Variants in CACNA1B observed in about 807,000 individuals in gnomAD.
CACNA1B encodes the protein voltage-dependent N-type calcium channel subunit alpha-1B.
A neutral mutation model predicts 247.2 loss-of-function variants in CACNA1B; 70 were observed. The observed-to-expected ratio is 0.28, with a 90% CI of 0.23 to 0.35. The LOEUF (loss-of-function observed/expected upper bound fraction) is 0.35. CACNA1B is among the 10% of genes least tolerant of loss of function. The pLI is 1.00. For missense variants in CACNA1B, 2,367 were observed against 3,197.4 expected (o/e 0.74, Z 6.26); for synonymous variants, 1,231 against 1,294.4 (o/e 0.95, Z 1.05).
chr9:138,060,016 G>A (rs532690298), intron 31 of CACNA1B, among the ~76,000 whole-genome samples: 55 of 152,162 alleles, frequency 3.6e-4, no homozygotes, highest in Non-Finnish European at 7.4e-4. Context: ...AAGAAGATGT[G>A]AATCTTAAAT....
chr9:138,000,866 C>A (rs1014862400), intron 15 of CACNA1B, among the ~76,000 whole-genome samples: 4 of 152,172 alleles, frequency 2.6e-5, no homozygotes, highest in African/African-American at 7.2e-5. Flanking sequence ...TTAAAAAAAT[C>A]TCTTTTTCCT....
intron 39 of CACNA1B, among the ~76,000 whole-genome samples, chr9:138,106,538 G>A (rs1369136071): frequency 6.6e-6 from 1 of 152,210 alleles, no homozygotes; most frequent in African/African-American, 2.4e-5. Flanking sequence ...GGGAGGCCGA[G>A]GTGGGCGGAT....
intron 3 of CACNA1B, among the ~76,000 whole-genome samples, chr9:137,884,909 C>T (rs1956983790): frequency 1.4e-5 from 2 of 138,044 alleles, no homozygotes; most frequent in South Asian, 5.2e-4. Flanking sequence ...TTCCCGCCTC[C>T]CTCTTCTGTT....
In CACNA1B at chr9:137,971,616, A is replaced by C. The variant is rs946950835; in HGVS notation, c.1543+24A>C. 6.3e-7 allele frequency: 1 copy of C among 1,592,782 alleles called. No individual in the cohort carries two copies. The highest frequency in any genetic ancestry group is 8.6e-7 in the Non-Finnish European group (1 of 1,164,472). ...GTGTACGTATCCCCGTCCCTCCCTCAGGTGCTTCCTGAGCATCTCTGCTCT... is the reference window on the plus strand; with the variant it reads ...GTGTACGTATCCCCGTCCCTCCCTCCGGTGCTTCCTGAGCATCTCTGCTCT... On this transcript the variant is annotated intron_variant, in intron 11 of 46. Transcript: ENST00000371372. The surrounding 1 kb of genome is among the most constrained non-coding windows in gnomAD (Gnocchi z 4.4).
At chr9:137,910,167 C>T (rs981823191) in intron 3 of CACNA1B, among the ~76,000 whole-genome samples, 3 of 152,154 alleles carry the variant, frequency 2.0e-5, no homozygotes, top group Non-Finnish European at 2.9e-5. Flanking sequence ...TTTTCGTGCA[C>T]CTATCGGCCA....
At chr9:137,885,798 TCCTGCTGC>T (rs1451057363) in intron 3 of CACNA1B, among the ~76,000 whole-genome samples, 1 of 127,680 alleles carries the variant, frequency 7.8e-6, no homozygotes, top group East Asian at 2.3e-4. Context: ...GCTGCCGAGC[TCCTGCTGC>T]CCTGGGGAGC....
At chr9:137,921,451 T>C (rs1031285129) in intron 6 of CACNA1B, among the ~76,000 whole-genome samples, 3 of 147,258 alleles carry the variant, frequency 2.0e-5, no homozygotes, top group Non-Finnish European at 4.5e-5. Flanking sequence ...GGGAGCAGAG[T>C]AAAGTGTTCG....
Position 138,058,857 on chromosome 9 carries a change from C to CCCATG in CACNA1B, c.4473+125_4473+126insCATGC. On this transcript the variant is annotated intron_variant, in intron 29 of 46. Coordinates refer to ENST00000371372, the MANE Select transcript of CACNA1B (RefSeq NM_000718.4). The surrounding 1 kb of genome is among the most constrained non-coding windows in gnomAD (Gnocchi z 4.7). ...AGCCAAAGCAGTAGTGGCCTTGCATCCTGGCCAGCATGGGATGCCTGTGGA... is the reference window on the plus strand; with the variant it reads ...AGCCAAAGCAGTAGTGGCCTTGCATCCCATGCTGGCCAGCATGGGATGCCTGTGGA... The CCCATG allele has an allele frequency of 1.1e-6, 1 of 895,324 alleles. No individual in the cohort carries two copies. The highest frequency in any genetic ancestry group is 1.7e-6 in the Non-Finnish European group (1 of 572,106). 55.5% of individuals were successfully genotyped at this position (895,324 alleles called of 1,614,324 possible). A position where few individuals can be genotyped will look rare whatever the true frequency, so the allele number is the denominator to read the frequency against.
intron 40 of CACNA1B, among the ~76,000 whole-genome samples, chr9:138,114,165 G>A (rs989128055): frequency 1.3e-5 from 2 of 152,156 alleles, no homozygotes. Context: ...CAGTCAGGAG[G>A]GCCAGGTCAG....
intron 31 of CACNA1B, among the ~76,000 whole-genome samples, chr9:138,064,590 G>A (rs538638909): frequency 1.8e-4 from 28 of 152,336 alleles, no homozygotes; most frequent in South Asian, 6.2e-4. Flanking sequence ...CCGATTAGCC[G>A]AAGCAGCATC....
At chr9:138,062,438 A>G (rs546549990) in intron 31 of CACNA1B, among the ~76,000 whole-genome samples, 1 of 152,156 alleles carries the variant, frequency 6.6e-6, no homozygotes, top group Non-Finnish European at 1.5e-5. Flanking sequence ...ATTGGGCCAC[A>G]TGTTGTGTGC....
In CACNA1B at chr9:137,913,123, C is replaced by G. The variant is rs544209484; in HGVS notation, c.531-57C>G. ...ACCCTGGTGGTGGGAGGAGTGTGTC[C>G]TCTTCCAGGCTCAATGTGGAAACCT... On this transcript the variant is annotated intron_variant, in intron 3 of 46. Coordinates refer to ENST00000371372, the MANE Select transcript of CACNA1B (RefSeq NM_000718.4). This position sits in a 1 kb window ranked among gnomAD's most constrained non-coding sequence, Gnocchi z 5.2. 2.9e-6 allele frequency: 4 copies of G among 1,384,054 alleles called. No individual in the cohort carries two copies. Among genetic ancestry groups the G allele is most frequent in the Non-Finnish European group, 4.1e-6 (4 of 975,964 alleles). 85.7% of individuals were successfully genotyped at this position (1,384,054 alleles called of 1,614,324 possible). A position where few individuals can be genotyped will look rare whatever the true frequency, so the allele number is the denominator to read the frequency against.
In CACNA1B at chr9:137,952,357, G is replaced by T. The variant is rs770433478; in HGVS notation, c.1050G>T (p.Leu350=). The T allele has an allele frequency of 2.5e-6, 4 of 1,613,364 alleles. No homozygotes were observed. The highest frequency in any genetic ancestry group is 2.5e-6 in the Non-Finnish European group (3 of 1,179,640). ...IIIGSFFMLN[L]VLGVLSGEFA... is the part of the protein sequence containing the mutation. ...TCGGCTCCTTCTTCATGCTCAACCT[G>T]GTGCTGGGCGTGCTCTCGGGGTGAG... is the stretch of plus-strand genomic sequence containing the variant. Residue 350 remains leucine (L), a synonymous_variant, in exon 7 of 47, where the codon CTG becomes CTT. Transcript: ENST00000371372. This position sits in a 1 kb window ranked among gnomAD's most constrained non-coding sequence, Gnocchi z 4.8.
intron 3 of CACNA1B, among the ~76,000 whole-genome samples, chr9:137,908,443 G>A (rs1407017560): frequency 2.0e-5 from 3 of 151,884 alleles, no homozygotes; most frequent in East Asian, 2.0e-4. Context: ...TTGAACCCAG[G>A]AGGCGGAGGT....
chr9:138,008,567 G>GC (rs907160775), intron 16 of CACNA1B, among the ~76,000 whole-genome samples: 9 of 152,320 alleles, frequency 5.9e-5, no homozygotes, highest in African/African-American at 2.2e-4. Flanking sequence ...CAGGGAGGGG[G>GC]CACCTGTCCA....
rs1957455866 is a variant in CACNA1B, at chr9:137,919,732, C to G, written c.966+2301C>G. Among the ~76,000 whole-genome samples, 1 of 152,230 alleles carries G rather than the reference C, an allele frequency of 6.6e-6. No individual in the cohort carries two copies. Among genetic ancestry groups the G allele is most frequent in the Admixed American group, 6.5e-5 (1 of 15,288 alleles). On this transcript the variant is annotated intron_variant, in intron 6 of 46. Coordinates refer to ENST00000371372, the MANE Select transcript of CACNA1B (RefSeq NM_000718.4). This position sits in a 1 kb window ranked among gnomAD's most constrained non-coding sequence, Gnocchi z 4.6. The stretch of plus-strand genomic sequence containing the variant: ...GGTGGAGGCAGAGAGATGGAAAGCT[C>G]AGTCCGTGTTGGGAGCAGGAGTGGG...
rs548543920 is a variant in CACNA1B, at chr9:137,959,684, C to T, written c.1333+1997C>T. ...GATCCCTTTCTGTGGCGCTGTGCAC[C>T]GGCTCTCTGGCGATTCTCTTAACCT... On this transcript the variant is annotated intron_variant, in intron 10 of 46. Transcript: ENST00000371372. 4.6e-5 allele frequency among the ~76,000 whole-genome samples: 7 copies of T among 152,256 alleles called. No individual in the cohort carries two copies. In the East Asian group the frequency reaches 7.7e-4, roughly 17 times the overall value.
rs1476550934 is a variant in CACNA1B at position 137,996,226 on chromosome 9, C to A, written c.1974+9372C>A. Among the ~76,000 whole-genome samples, 7 of 152,188 alleles carry A rather than the reference C, an allele frequency of 4.6e-5. 1 individual carries two copies. In the South Asian group the frequency reaches 8.3e-4, roughly 18 times the overall value. ...TTGCACATGCATGTTTATAGCAGCA[C>A]AATTTGGAATTGCAAAAATATGGAA... On this transcript the variant is annotated intron_variant, in intron 15 of 46. Transcript: ENST00000371372.
At chr9:137,985,184 G>A (rs1449046190) in intron 13 of CACNA1B, among the ~76,000 whole-genome samples, 1 of 152,236 alleles carries the variant, frequency 6.6e-6, no homozygotes, top group Non-Finnish European at 1.5e-5. Flanking sequence ...CAGGGCAACT[G>A]AAATCCCAGG....
Sources: gnomAD v4.1 joint callset for allele counts (sites outside exome capture counted in the v4.1 genomes callset) on GRCh38, gnomAD v4.1.1 for gene constraint, Gnocchi (gnomAD v3.1) non-coding constraint, MANE v1.5 for transcripts, NCBI Gene and HGNC (gene_info 2026-07-23, HGNC 2026-07-21) for gene names.